The following CDH18 variants were observed in gnomAD, a reference collection of about 807,000 sequenced individuals.
The protein encoded by CDH18 is cadherin 18, also known as cadherin-18.
A neutral mutation model predicts 67.9 loss-of-function variants in CDH18; 31 were observed. That is an observed-to-expected ratio of 0.46 (90% CI 0.34 to 0.62). The LOEUF (loss-of-function observed/expected upper bound fraction) is 0.62, where lower values mean the gene tolerates loss of function less well. Ranked by LOEUF, CDH18 falls within the 20% of genes least tolerant of loss-of-function variation. The probability of loss-of-function intolerance (pLI) is 0.01; values close to 1 mark genes in which losing one functional copy is unlikely to be tolerated. For missense variants in CDH18, 890 were observed against 975.5 expected, an observed-to-expected ratio of 0.91 and a Z score of 1.17; for synonymous variants, 362 against 347.2, an observed-to-expected ratio of 1.04 and a Z score of -0.48.
chr5:19,925,936 T>A (rs1350167257), intron 2 of CDH18, among the ~76,000 whole-genome samples: 1 of 152,234 alleles, frequency 6.6e-6, no homozygotes, highest in African/African-American at 2.4e-5. Context: ...TATGTGTGCA[T>A]AAGTTTTGAT....
chr5:20,261,153 A>G (rs1208929020), intron 1 of CDH18, among the ~76,000 whole-genome samples: 1 of 152,198 alleles, frequency 6.6e-6, no homozygotes, highest in Non-Finnish European at 1.5e-5. Context: ...ATATAAATGC[A>G]TTGTTTCAGT....
At chr5:19,629,919 T>C (rs189771482) in intron 5 of CDH18, among the ~76,000 whole-genome samples, 16 of 151,984 alleles carry the variant, frequency 1.1e-4, no homozygotes, top group African/African-American at 3.4e-4. Flanking sequence ...TAGGAGGACA[T>C]AGATTTTTTA....
chr5:19,772,265 T>A (rs1160792162), intron 3 of CDH18, among the ~76,000 whole-genome samples: 1 of 152,130 alleles, frequency 6.6e-6, no homozygotes, highest in African/African-American at 2.4e-5. Context: ...TTATTTTGCA[T>A]GGAGAATAGG....
intron 3 of CDH18, among the ~76,000 whole-genome samples, chr5:19,804,197 G>A (rs1225594165): frequency 6.6e-6 from 1 of 151,324 alleles, no homozygotes; most frequent in Non-Finnish European, 1.5e-5. Flanking sequence ...AGCTACTCAG[G>A]AGGCTGAGGC....
chr5:19,923,920 T>G (rs1440082842), intron 2 of CDH18, among the ~76,000 whole-genome samples: 3 of 152,204 alleles, frequency 2.0e-5, no homozygotes, highest in Non-Finnish European at 4.4e-5. Context: ...GCAGATCAAG[T>G]GCCACCCCAT....
At chr5:20,205,267 A>C (rs1197989334) in intron 2 of CDH18, among the ~76,000 whole-genome samples, 2 of 151,998 alleles carry the variant, frequency 1.3e-5, no homozygotes, top group Non-Finnish European at 2.9e-5. Context: ...AATGTCAAAG[A>C]TTATACCAAG....
intron 1 of CDH18, among the ~76,000 whole-genome samples, chr5:20,310,127 A>G (rs77002715): frequency 0.037 from 5,702 of 152,216 alleles, 265 homozygotes; most frequent in African/African-American, 0.11. Context: ...GTCTGTTTCA[A>G]TAAATTCAAT....
rs1743167262 is a variant in CDH18, at chr5:20,068,396, C to G, written c.-517-76382G>C. On this transcript the variant is annotated intron_variant, in intron 2 of 14. Transcript: ENST00000507958. Reference sequence around the variant, plus strand: ...TATGTGCTAAAAATATAAAAACATCCTCAAAATGCTAAATACAACTTTAGG... The same window carrying G: ...TATGTGCTAAAAATATAAAAACATCGTCAAAATGCTAAATACAACTTTAGG... Among the ~76,000 whole-genome samples, 3 of 152,012 alleles carry G rather than the reference C, an allele frequency of 2.0e-5. No individual in the cohort carries two copies. In the South Asian group the frequency reaches 6.2e-4, roughly 31 times the overall value.
intron 6 of CDH18, among the ~76,000 whole-genome samples, chr5:19,600,953 A>C (rs1747029134): frequency 6.6e-6 from 1 of 152,232 alleles, no homozygotes; most frequent in African/African-American, 2.4e-5. Context: ...AGCTAGTTTT[A>C]AGTTGCTTTT....
At chr5:20,055,681 C>T (rs115557002) in intron 2 of CDH18, among the ~76,000 whole-genome samples, 1,769 of 152,222 alleles carry the variant, frequency 0.012, 28 homozygotes, top group African/African-American at 0.04. Flanking sequence ...AGATGTAGTT[C>T]CTATACTGAA....
intron 5 of CDH18, among the ~76,000 whole-genome samples, chr5:19,641,168 A>G (rs1753946014): frequency 6.7e-6 from 1 of 150,032 alleles, no homozygotes; most frequent in African/African-American, 2.4e-5. Context: ...GCCAGAATTG[A>G]TCAATAACAA....
chr5:19,750,760 G>GCC (rs55950427), intron 3 of CDH18, among the ~76,000 whole-genome samples: 7 of 137,746 alleles, frequency 5.1e-5, no homozygotes, highest in African/African-American at 2.1e-4. Flanking sequence ...ATACAGTGAA[G>GCC]CCCCCCCCCC....
chr5:20,067,357 T>A (rs1018607082), intron 2 of CDH18, among the ~76,000 whole-genome samples: 4 of 151,484 alleles, frequency 2.6e-5, no homozygotes, highest in African/African-American at 9.7e-5. Context: ...ATTTTAGACT[T>A]CCTCTGATTA....
intron 5 of CDH18, among the ~76,000 whole-genome samples, chr5:19,688,138 C>T (rs983205184): frequency 2.6e-5 from 4 of 152,194 alleles, no homozygotes; most frequent in African/African-American, 9.6e-5. Context: ...ACTGCCATCA[C>T]TCATGCCATA....
At chr5:19,859,340 C>T (rs1784629008) in intron 2 of CDH18, among the ~76,000 whole-genome samples, 2 of 151,968 alleles carry the variant, frequency 1.3e-5, no homozygotes, top group Admixed American at 1.3e-4. Context: ...TCCAGCTGAC[C>T]CTAGTATAGC....
At chr5:20,503,429 T>C (rs1313722062) in intron 1 of CDH18, among the ~76,000 whole-genome samples, 1 of 152,200 alleles carries the variant, frequency 6.6e-6, no homozygotes, top group Non-Finnish European at 1.5e-5. Context: ...TGAAAAATCA[T>C]AGAATTAATC....
chr5:20,365,713 C>G (rs1156526533), intron 1 of CDH18, among the ~76,000 whole-genome samples: 1 of 152,132 alleles, frequency 6.6e-6, no homozygotes, highest in Non-Finnish European at 1.5e-5. Context: ...TTCTATAACA[C>G]CTGGACTATA....
chr5:19,884,942 T>C (rs1245393236), intron 2 of CDH18, among the ~76,000 whole-genome samples: 2 of 152,178 alleles, frequency 1.3e-5, no homozygotes, highest in Non-Finnish European at 2.9e-5. Context: ...TGGATTATAA[T>C]TAATTTTTCA....
rs1393452325 is a variant in CDH18, at chr5:19,944,102, C to T, written c.-257+36958G>A. On this transcript the variant is annotated intron_variant, in intron 2 of 12. Transcript: ENST00000382275. ...TGAATGTACCTCCTTGACATCTTCTCCTTTTTCCTTTTCCAATTTAATATA... is the reference window on the plus strand; with the variant it reads ...TGAATGTACCTCCTTGACATCTTCTTCTTTTTCCTTTTCCAATTTAATATA... Among the ~76,000 whole-genome samples, 5 of 152,028 alleles carry T rather than the reference C, an allele frequency of 3.3e-5. No homozygotes were observed. In the South Asian group the frequency reaches 1.0e-3, roughly 31 times the overall value.
Sources: allele counts gnomAD v4.1 joint callset (sites outside exome capture counted in the v4.1 genomes callset), GRCh38; gene constraint gnomAD v4.1.1; transcripts MANE v1.5; gene names NCBI Gene and HGNC (gene_info 2026-07-23, HGNC 2026-07-21).